The following LRBA variants were observed in gnomAD, a reference collection of about 807,000 sequenced individuals.
The protein encoded by LRBA is lipopolysaccharide-responsive and beige-like anchor protein.
Under a neutral mutation model 330.0 loss-of-function variants are expected in LRBA, and 176 were observed. The observed-to-expected ratio is 0.53, with a 90% confidence interval of 0.47 to 0.60. LRBA has a LOEUF of 0.60. Among genes scored for constraint, LRBA ranks in the 20% least tolerant of loss-of-function variants. The pLI, the probability that LRBA is intolerant of heterozygous loss-of-function variation, is 0.00. For missense variants in LRBA, 3,259 were observed against 3,444.8 expected, an observed-to-expected ratio of 0.95 and a Z score of 1.35; for synonymous variants, 1,230 against 1,193.0, an observed-to-expected ratio of 1.03 and a Z score of -0.64.
intron 34 of LRBA, among the ~76,000 whole-genome samples, chr4:150,783,436 T>C (rs1477554033): frequency 1.3e-5 from 2 of 152,050 alleles, no homozygotes; most frequent in Non-Finnish European, 2.9e-5. Flanking sequence ...GAAAAAGAAA[T>C]AAAAAGAAAC....
At chr4:150,511,665 C>T (rs1224582161) in intron 40 of LRBA, among the ~76,000 whole-genome samples, 1 of 152,200 alleles carries the variant, frequency 6.6e-6, no homozygotes, top group Non-Finnish European at 1.5e-5. Flanking sequence ...ATCCCAGGAT[C>T]TATGCTAAGT....
At chr4:150,623,712 C>T (rs898009846) in intron 37 of LRBA, among the ~76,000 whole-genome samples, 2 of 151,880 alleles carry the variant, frequency 1.3e-5, no homozygotes, top group South Asian at 4.2e-4. Flanking sequence ...TTTCTATATA[C>T]CCCTTATACT....
At chr4:150,445,377 C>CTATA (rs10552819) in intron 44 of LRBA, among the ~76,000 whole-genome samples, 32 of 78,624 alleles carry the variant, frequency 4.1e-4, no homozygotes, top group South Asian at 2.2e-3. Flanking sequence ...CTCTCTCTCT[C>CTATA]TATATATATA....
chr4:150,995,527 A>G (rs1579438775), intron 2 of LRBA, among the ~76,000 whole-genome samples: 1 of 152,068 alleles, frequency 6.6e-6, no homozygotes, highest in African/African-American at 2.4e-5. Context: ...AATATGAAAA[A>G]ATCAAACAAT....
chr4:150,432,478 G>C (rs1277329388), intron 46 of LRBA, among the ~76,000 whole-genome samples: 1 of 16,130 alleles, frequency 6.2e-5, no homozygotes, highest in South Asian at 2.4e-3. Context: ...TTTTTTTTTT[G>C]AGACACAGTC....
chr4:150,826,355 G>C (rs1449973537), intron 30 of LRBA, among the ~76,000 whole-genome samples: 1 of 152,174 alleles, frequency 6.6e-6, no homozygotes, highest in East Asian at 1.9e-4. Context: ...TTATTAGCAA[G>C]GAAGAGAAGT....
At chr4:150,760,278 A>C (rs751675379) in intron 35 of LRBA, among the ~76,000 whole-genome samples, 13 of 152,116 alleles carry the variant, frequency 8.5e-5, no homozygotes, top group Non-Finnish European at 1.9e-4. Flanking sequence ...ATGAATTAGT[A>C]ATCACTGATA....
At chr4:150,495,684 C>A (rs1759503965) in intron 40 of LRBA, among the ~76,000 whole-genome samples, 1 of 152,104 alleles carries the variant, frequency 6.6e-6, no homozygotes, top group Non-Finnish European at 1.5e-5. Context: ...TGGTCTGAGG[C>A]TTCACTTCAA....
In LRBA at chr4:150,522,000, T is replaced by C. The variant is rs1042402795; in HGVS notation, c.6331-30965A>G. Among the ~76,000 whole-genome samples the C allele has an allele frequency of 2.0e-5, 3 of 152,226 alleles. No individual in the cohort carries two copies. In the South Asian group the frequency reaches 6.2e-4, roughly 32 times the overall value. On this transcript the variant is annotated intron_variant, in intron 40 of 56. Transcript: ENST00000651943. ...TTTGCTTCACATTTAAAATCTCTAT[T>C]ATTTGATGGTATATTAATTATTACT...
At chr4:150,515,475 G>C (rs530946745) in intron 40 of LRBA, among the ~76,000 whole-genome samples, 1 of 152,100 alleles carries the variant, frequency 6.6e-6, no homozygotes, top group Non-Finnish European at 1.5e-5. Context: ...CAGTCATGTA[G>C]GCTTCTCACC....
In LRBA at chr4:150,445,344, C is replaced by CCTCTCTCTCT. The variant is rs1317931739; in HGVS notation, c.6781-8490_6781-8481dup. 2.2e-3 allele frequency among the ~76,000 whole-genome samples: 128 copies of CCTCTCTCTCT among 59,128 alleles called. 1 individual carries two copies. Among genetic ancestry groups the CCTCTCTCTCT allele is most frequent in the Admixed American group, 3.0e-3 (14 of 4,738 alleles). The allele number at this position is 59,128 out of a possible 152,430, so 38.8% of individuals were successfully genotyped here. On this transcript the variant is annotated intron_variant, in intron 44 of 56. Coordinates refer to ENST00000651943, the MANE Select transcript of LRBA (RefSeq NM_001364905.1). The stretch of plus-strand genomic sequence containing the variant: ...TAAAACTGGTTTTAATTTCGGAAAA[C>CCTCTCTCTCT]CTCTCTCTCTCTCTCTCTCTCTCTC...
intron 37 of LRBA, among the ~76,000 whole-genome samples, chr4:150,612,835 A>T (rs1329521275): frequency 1.3e-5 from 2 of 152,214 alleles, no homozygotes; most frequent in Admixed American, 1.3e-4. Flanking sequence ...CCATAAGAAA[A>T]GTAAAAACCC....
At chr4:150,995,530 CAAACAATTGT>C (rs1194498057) in intron 2 of LRBA, among the ~76,000 whole-genome samples, 1 of 151,744 alleles carries the variant, frequency 6.6e-6, no homozygotes, top group Admixed American at 6.6e-5. Context: ...ATGAAAAAAT[CAAACAATTGT>C]AATGTTTCTG....
intron 2 of LRBA, among the ~76,000 whole-genome samples, chr4:150,985,353 G>C (rs1404317501): frequency 2.0e-5 from 3 of 151,612 alleles, no homozygotes; most frequent in Non-Finnish European, 2.9e-5. Flanking sequence ...TTCCACCATG[G>C]AACTAGTAAA....
At chr4:150,553,770 T>C (rs912783620) in intron 40 of LRBA, among the ~76,000 whole-genome samples, 4 of 152,228 alleles carry the variant, frequency 2.6e-5, no homozygotes, top group South Asian at 2.1e-4. Flanking sequence ...TCCAAATATG[T>C]TGAGTTTGTT....
chr4:150,618,259 G>T (rs1414861958), intron 37 of LRBA, among the ~76,000 whole-genome samples: 1 of 152,108 alleles, frequency 6.6e-6, no homozygotes, highest in Non-Finnish European at 1.5e-5. Context: ...TGCTCGGCTA[G>T]GGATATAGCA....
chr4:150,479,865 TGA>T (rs977814522), intron 42 of LRBA, among the ~76,000 whole-genome samples: 1 of 152,176 alleles, frequency 6.6e-6, no homozygotes, highest in Non-Finnish European at 1.5e-5. Context: ...AAGGAGCACA[TGA>T]GAGATTCCTT....
chr4:150,717,822 G>A (rs775349241), intron 36 of LRBA, among the ~76,000 whole-genome samples: 5 of 151,690 alleles, frequency 3.3e-5, no homozygotes, highest in African/African-American at 1.2e-4. Context: ...GAGTTCTACA[G>A]TATGTTAGAT....
intron 40 of LRBA, among the ~76,000 whole-genome samples, chr4:150,512,584 A>T (rs956384063): frequency 6.6e-6 from 1 of 152,060 alleles, no homozygotes; most frequent in Non-Finnish European, 1.5e-5. Context: ...TCCACACCAG[A>T]ATCTACCATG....
Sources: gnomAD v4.1 joint callset for allele counts (sites outside exome capture counted in the v4.1 genomes callset) on GRCh38, gnomAD v4.1.1 for gene constraint, MANE v1.5 for transcripts, NCBI Gene and HGNC (gene_info 2026-07-23, HGNC 2026-07-21) for gene names.